The following LMO2 variants were observed in gnomAD, a reference collection of about 807,000 sequenced individuals.
LMO2 encodes rhombotin-2.
Under a neutral mutation model 23.2 loss-of-function variants are expected in LMO2, and 20 were observed. The observed-to-expected ratio is 0.86, with a 90% CI of 0.61 to 1.25. The LOEUF is 1.25. Among genes scored for constraint, LMO2 ranks in the 50% most tolerant of loss-of-function variants. The pLI, the probability that LMO2 is intolerant of heterozygous loss-of-function variation, is 0.00. For missense variants in LMO2, 270 were observed against 315.3 expected (o/e 0.86, Z 1.09); for synonymous variants, 123 against 130.2 (o/e 0.94, Z 0.38).
intron 1 of LMO2, among the ~76,000 whole-genome samples, chr11:33,887,540 ATTT>A (rs3072488): frequency 0.026 from 3,397 of 132,866 alleles, 60 homozygotes; most frequent in Middle Eastern, 0.041. Flanking sequence ...AGGAATGTGG[ATTT>A]TTTTTTTTTT....
At chr11:33,866,001 A>G (rs1373122316) in intron 4 of LMO2, among the ~76,000 whole-genome samples, 1 of 152,242 alleles carries the variant, frequency 6.6e-6, no homozygotes, top group Admixed American at 6.5e-5. Flanking sequence ...TTCCATCTGT[A>G]AAATTCCCAA....
intron 5 of LMO2, among the ~76,000 whole-genome samples, chr11:33,860,265 T>C (rs1488972272): frequency 1.3e-5 from 2 of 152,248 alleles, no homozygotes; most frequent in Admixed American, 6.5e-5. Context: ...TGGCCCTCGC[T>C]GCCCACTGGC....
chr11:33,891,802 T>C lies in LMO2; in HGVS notation c.-343A>G, dbSNP rs939138713. 6.6e-6 allele frequency: 1 copy of C among 152,256 alleles called. No individual in the cohort carries two copies. The highest frequency in any genetic ancestry group is 1.9e-4 in the East Asian group (1 of 5,198). The allele number at this position is 152,256 out of a possible 1,614,324, so 9.4% of individuals were successfully genotyped here. A position where few individuals can be genotyped will look rare whatever the true frequency, so the allele number is the denominator to read the frequency against. On this transcript the variant is annotated 5_prime_UTR_variant, in exon 1 of 6. Coordinates refer to ENST00000257818, the MANE Select transcript of LMO2 (RefSeq NM_005574.4). ...TTAATGAAGCCTACTCACCAGCAGATGATGTAATCCTGGTGGCTTCCCCCA... is the reference window on the plus strand; with the variant it reads ...TTAATGAAGCCTACTCACCAGCAGACGATGTAATCCTGGTGGCTTCCCCCA...
chr11:33,866,450 C>T (rs976767805), intron 4 of LMO2, among the ~76,000 whole-genome samples: 5 of 152,034 alleles, frequency 3.3e-5, no homozygotes, highest in Admixed American at 1.3e-4. Flanking sequence ...GCCTGGGCAA[C>T]GTGGCAAAAT....
At position 33,864,985 on chromosome 11, in the gene LMO2, C is replaced by A; in HGVS notation, c.249-168G>T. The A allele has an allele frequency of 1.5e-6, 1 of 673,614 alleles. No individual in the cohort carries two copies. The highest frequency in any genetic ancestry group is 2.4e-4 in the Middle Eastern group (1 of 4,194). The allele number at this position is 673,614 out of a possible 1,614,324, so 41.7% of individuals were successfully genotyped here. ...CTTGGCCAGACTGCAGAGTCCCAACCAACCTTGGGTTAAGACGGGAAAGAG... is the reference window on the plus strand; with the variant it reads ...CTTGGCCAGACTGCAGAGTCCCAACAAACCTTGGGTTAAGACGGGAAAGAG... On this transcript the variant is annotated intron_variant, in intron 4 of 5. Coordinates refer to ENST00000257818, the MANE Select transcript of LMO2 (RefSeq NM_005574.4). The surrounding 1 kb of genome is among the most constrained non-coding windows in gnomAD (Gnocchi z 4.8).
chr11:33,869,937 A>G lies in LMO2; in HGVS notation c.-221T>C. On this transcript the variant is annotated 5_prime_UTR_variant, in exon 3 of 6. Transcript: ENST00000257818. The stretch of plus-strand genomic sequence containing the variant: ...CTCCGGGCTTCCTCCTCTCTCGGGA[A>G]GGTCTATTTTCGCTCAGCTTCCCTC... 9.6e-7 allele frequency: 1 copy of G among 1,046,084 alleles called. No individual in the cohort carries two copies. The highest frequency in any genetic ancestry group is 1.2e-6 in the Non-Finnish European group (1 of 868,632). 64.8% of individuals were successfully genotyped at this position (1,046,084 alleles called of 1,614,324 possible).
At chr11:33,890,618 C>T (rs147327424) in intron 1 of LMO2, among the ~76,000 whole-genome samples, 1 of 152,320 alleles carries the variant, frequency 6.6e-6, no homozygotes, top group Non-Finnish European at 1.5e-5. Context: ...TCCCAAAGTG[C>T]TAAGATTACA....
intron 5 of LMO2, 91 bp from the exon 6 acceptor site, chr11:33,859,666 A>G: frequency 3.4e-6 from 4 of 1,176,560 alleles, no homozygotes; most frequent in Non-Finnish European, 4.8e-6. Flanking sequence ...AGGAGGCCGA[A>G]CTTTCAGGAT....
At position 33,869,482 on chromosome 11, in the gene LMO2, C is replaced by A; in HGVS notation, c.112G>T (p.Ala38Ser). ...SGGDGGGGGG[A>S]RAPEGVRAPA... Reference sequence around the variant, plus strand: ...GCTCGGACCCCCTCGGGTGCTCGGGCGCCGCCGCCGCCGCCGCCGTCGCCG... The same window carrying A: ...GCTCGGACCCCCTCGGGTGCTCGGGAGCCGCCGCCGCCGCCGCCGTCGCCG... The change falls in exon 4 of 6, where the codon GCC becomes TCC. Residue 38 changes from alanine (A) to serine (S), a missense_variant. This residue lies in a region of LMO2 where 170 missense variants were observed against 162.0 expected (regional missense o/e 1.05). Transcript: ENST00000257818. The A allele has an allele frequency of 8.5e-7, 1 of 1,180,954 alleles. No homozygotes were observed. The allele number at this position is 1,180,954 out of a possible 1,614,324, so 73.2% of individuals were successfully genotyped here.
intron 5 of LMO2, 114 bp from the exon 6 acceptor site, chr11:33,859,689 G>A: frequency 1.1e-6 from 1 of 903,208 alleles, no homozygotes; most frequent in East Asian, 2.6e-5. Flanking sequence ...CAGGAAGCCA[G>A]GGAAGGTCGG....
chr11:33,887,697 G>A (rs752999624), intron 1 of LMO2, among the ~76,000 whole-genome samples: 1 of 151,982 alleles, frequency 6.6e-6, no homozygotes, highest in Non-Finnish European at 1.5e-5. Flanking sequence ...ACCACGCTTG[G>A]CTAATTTTTG....
intron 4 of LMO2, among the ~76,000 whole-genome samples, chr11:33,868,666 C>A (rs1856875636): frequency 6.6e-6 from 1 of 152,210 alleles, no homozygotes; most frequent in Non-Finnish European, 1.5e-5. Context: ...CTCTACTCCC[C>A]AGAATAATTC....
At chr11:33,870,863 C>T (rs1357033255) in intron 2 of LMO2, among the ~76,000 whole-genome samples, 1 of 152,148 alleles carries the variant, frequency 6.6e-6, no homozygotes, top group Non-Finnish European at 1.5e-5. Context: ...TCTCAGCCTC[C>T]TTCTAGAAAG....
chr11:33,884,655 C>T (rs10836126), intron 1 of LMO2, among the ~76,000 whole-genome samples: 72,411 of 152,026 alleles, frequency 0.48, 17,943 homozygotes, highest in East Asian at 0.72. Flanking sequence ...CCCCAGGCTA[C>T]AGGGGACATC....
chr11:33,880,988 C>A lies in LMO2; in HGVS notation c.-272+836G>T. ...ACTCCAAGGACAGAAAAAAAGAGTG[C>A]AGGTTGTTATTATGCAAAGCCACAG... On this transcript the variant is annotated intron_variant, in intron 2 of 5. Transcript: ENST00000257818. This position sits in a 1 kb window ranked among gnomAD's most constrained non-coding sequence, Gnocchi z 4.3. The A allele has an allele frequency of 2.9e-6, 1 of 350,344 alleles. No individual in the cohort carries two copies. Among genetic ancestry groups the A allele is most frequent in the Non-Finnish European group, 5.6e-6 (1 of 177,482 alleles). The allele number at this position is 350,344 out of a possible 1,614,324, so 21.7% of individuals were successfully genotyped here. A position where few individuals can be genotyped will look rare whatever the true frequency, so the allele number is the denominator to read the frequency against.
intron 1 of LMO2, among the ~76,000 whole-genome samples, chr11:33,887,222 T>G (rs890048190): frequency 2.6e-5 from 4 of 152,232 alleles, no homozygotes; most frequent in Non-Finnish European, 5.9e-5. Context: ...TTTGTAGCTT[T>G]AAGAGAATAT....
Position 33,864,024 on chromosome 11 carries a change from A to G in LMO2, c.464+578T>C, listed in dbSNP as rs937281515. ...CCCAAGGCCACCAAGCTGGGAAGCAATGGTATTGGGACTCAAACCTCCAAC... is the reference window on the plus strand; with the variant it reads ...CCCAAGGCCACCAAGCTGGGAAGCAGTGGTATTGGGACTCAAACCTCCAAC... On this transcript the variant is annotated intron_variant, in intron 5 of 5. Coordinates refer to ENST00000257818, the MANE Select transcript of LMO2 (RefSeq NM_005574.4). The surrounding 1 kb of genome is among the most constrained non-coding windows in gnomAD (Gnocchi z 4.8). 6.6e-6 allele frequency among the ~76,000 whole-genome samples: 1 copy of G among 152,200 alleles called. No individual in the cohort carries two copies. The highest frequency in any genetic ancestry group is 1.5e-5 in the Non-Finnish European group (1 of 68,032).
rs758915426 is a variant in LMO2 at position 33,864,889 on chromosome 11, T to G, written c.249-72A>C. 12 of 1,410,092 alleles carry G rather than the reference T, an allele frequency of 8.5e-6. No individual in the cohort carries two copies. The highest frequency in any genetic ancestry group is 1.7e-4 in the Middle Eastern group (1 of 5,734). 87.3% of individuals were successfully genotyped at this position (1,410,092 alleles called of 1,614,324 possible). ...CAGCACCGAGGGTCCGAGATCGTTTTGGGCCAGACAGGGCATCTCACCTGA... is the reference window on the plus strand; with the variant it reads ...CAGCACCGAGGGTCCGAGATCGTTTGGGGCCAGACAGGGCATCTCACCTGA... On this transcript the variant is annotated intron_variant, in intron 4 of 5. Coordinates refer to ENST00000257818, the MANE Select transcript of LMO2 (RefSeq NM_005574.4). The surrounding 1 kb of genome is among the most constrained non-coding windows in gnomAD (Gnocchi z 4.8).
chr11:33,859,033 G>A lies in LMO2; in HGVS notation c.*323C>T, dbSNP rs1487414356. 5 of 376,032 alleles carry A rather than the reference G, an allele frequency of 1.3e-5. No individual in the cohort carries two copies. In the East Asian group the frequency reaches 1.7e-4, roughly 13 times the overall value. 23.3% of individuals were successfully genotyped at this position (376,032 alleles called of 1,614,324 possible). Reference sequence around the variant, plus strand: ...GTCTGTACACAACAACTCTCTATCTGTAGATATGAAATTCCATCATGATAG... The same window carrying A: ...GTCTGTACACAACAACTCTCTATCTATAGATATGAAATTCCATCATGATAG... On this transcript the variant is annotated 3_prime_UTR_variant, in exon 6 of 6. Coordinates refer to ENST00000257818, the MANE Select transcript of LMO2 (RefSeq NM_005574.4).
Sources: allele counts gnomAD v4.1 joint callset (sites outside exome capture counted in the v4.1 genomes callset), GRCh38; gene constraint gnomAD v4.1.1; regional missense constraint gnomAD v4.1.1; non-coding constraint Gnocchi (gnomAD v3.1); transcripts MANE v1.5; gene names NCBI Gene and HGNC (gene_info 2026-07-23, HGNC 2026-07-21).